The following SDK1 variants were observed in gnomAD, a reference collection of about 807,000 sequenced individuals.
SDK1 encodes the protein sidekick cell adhesion molecule 1, also known as protein sidekick-1.
A neutral mutation model predicts 245.5 loss-of-function variants in SDK1; 157 were observed. The ratio of observed to expected loss-of-function variants is 0.64; its 90% CI spans 0.56 to 0.73. The LOEUF (loss-of-function observed/expected upper bound fraction) is 0.73. Ranked by LOEUF, SDK1 falls within the 30% of genes least tolerant of loss-of-function variation. SDK1 has a pLI of 0.00. For missense variants in SDK1, 3,583 were observed against 3,002.3 expected, an observed-to-expected ratio of 1.19 and a Z score of -4.52; for synonymous variants, 1,647 against 1,278.5, an observed-to-expected ratio of 1.29 and a Z score of -6.15.
intron 1 of SDK1, among the ~76,000 whole-genome samples, chr7:3,534,173 A>G (rs145574103): frequency 6.6e-6 from 1 of 152,182 alleles, no homozygotes; most frequent in African/African-American, 2.4e-5. Context: ...TGACCAGGTT[A>G]TTTATCTCCC....
intron 4 of SDK1, among the ~76,000 whole-genome samples, chr7:3,765,182 TA>T (rs912858798): frequency 0.013 from 1,997 of 151,694 alleles, 53 homozygotes; most frequent in African/African-American, 0.046. Context: ...TGTGTGGCTT[TA>T]AAAAAAAATC....
chr7:3,888,248 A>C (rs540341420), intron 5 of SDK1, among the ~76,000 whole-genome samples: 110 of 152,328 alleles, frequency 7.2e-4, no homozygotes, highest in African/African-American at 2.5e-3. Flanking sequence ...CTGCGGAAAT[A>C]ATTCCTTGTT....
At chr7:4,012,853 A>C (rs1299687092) in intron 16 of SDK1, among the ~76,000 whole-genome samples, 1 of 152,020 alleles carries the variant, frequency 6.6e-6, no homozygotes, top group Non-Finnish European at 1.5e-5. Context: ...CTGGGATTAC[A>C]GGCGTGAGGC....
At chr7:3,823,445 A>G (rs981725976) in intron 5 of SDK1, among the ~76,000 whole-genome samples, 1 of 152,204 alleles carries the variant, frequency 6.6e-6, no homozygotes, top group African/African-American at 2.4e-5. Context: ...TCACAAAGTT[A>G]TAAAACAGTC....
chr7:3,404,405 T>G (rs1483811693), intron 1 of SDK1, among the ~76,000 whole-genome samples: 2 of 152,216 alleles, frequency 1.3e-5, no homozygotes, highest in East Asian at 1.9e-4. Flanking sequence ...TTTGTATGTT[T>G]TATTATTTTC....
intron 15 of SDK1, 150 bp downstream of exon 15, chr7:4,011,263 G>C: frequency 9.8e-7 from 1 of 1,021,570 alleles, no homozygotes; most frequent in Non-Finnish European, 1.4e-6. Flanking sequence ...AAAGCCTGTC[G>C]CAAAGAGGGA....
At chr7:3,788,063 T>C (rs978246920) in intron 4 of SDK1, among the ~76,000 whole-genome samples, 1 of 151,512 alleles carries the variant, frequency 6.6e-6, no homozygotes, top group Non-Finnish European at 1.5e-5. Flanking sequence ...CTCCGGGGAG[T>C]GGACAGTCTC....
chr7:3,522,843 G>A (rs544940782), intron 1 of SDK1, among the ~76,000 whole-genome samples: 71 of 152,142 alleles, frequency 4.7e-4, no homozygotes, highest in Non-Finnish European at 9.6e-4. Context: ...GGTGAGGTTC[G>A]CTATTCACAT....
chr7:3,862,264 G>C (rs1386615818), intron 5 of SDK1, among the ~76,000 whole-genome samples: 2 of 152,180 alleles, frequency 1.3e-5, no homozygotes, highest in South Asian at 2.1e-4. Context: ...CAGAATGTCT[G>C]GGGGAGGAAG....
chr7:3,394,610 G>A (rs192799804), intron 1 of SDK1, among the ~76,000 whole-genome samples: 2 of 148,644 alleles, frequency 1.3e-5, no homozygotes, highest in East Asian at 1.9e-4. Context: ...TCAATTTGGG[G>A]AGAATTGCCA....
Position 4,259,648 on chromosome 7 carries a change from A to G in SDK1, c.6382-5476A>G, listed in dbSNP as rs1037903937. Among the ~76,000 whole-genome samples the G allele has an allele frequency of 7.9e-5, 12 of 152,306 alleles. No individual in the cohort carries two copies. The East Asian group carries it at 1.4e-3, about 17-fold the overall frequency. Reference sequence around the variant, plus strand: ...CAGAATATGAGAATATTCACACTGAATAGCCCTACATCAGCTCACCTAGGG... The same window carrying G: ...CAGAATATGAGAATATTCACACTGAGTAGCCCTACATCAGCTCACCTAGGG... On this transcript the variant is annotated intron_variant, in intron 44 of 44. Transcript: ENST00000404826.
chr7:3,462,251 A>G (rs1780855829), intron 1 of SDK1, among the ~76,000 whole-genome samples: 1 of 152,094 alleles, frequency 6.6e-6, no homozygotes, highest in South Asian at 2.1e-4. Flanking sequence ...ATCGTTTTGA[A>G]ATACCTGTAA....
intron 4 of SDK1, among the ~76,000 whole-genome samples, chr7:3,661,010 A>G (rs1783337668): frequency 6.6e-6 from 1 of 152,204 alleles, no homozygotes. Flanking sequence ...TTTGGTATTT[A>G]GAAATTACTT....
At chr7:4,054,020 C>T (rs1388147427) in intron 19 of SDK1, among the ~76,000 whole-genome samples, 1 of 151,988 alleles carries the variant, frequency 6.6e-6, no homozygotes, top group African/African-American at 2.4e-5. Flanking sequence ...CTCACTGCAA[C>T]CTCTGCCTCC....
chr7:3,625,345 C>G (rs1431007023), intron 2 of SDK1, among the ~76,000 whole-genome samples: 23 of 152,160 alleles, frequency 1.5e-4, no homozygotes, highest in Admixed American at 1.5e-3. Context: ...TTTGCTTAAT[C>G]TTATAAGTTA....
intron 32 of SDK1, among the ~76,000 whole-genome samples, chr7:4,165,315 C>T (rs2128214137): frequency 6.6e-6 from 1 of 152,212 alleles, no homozygotes; most frequent in East Asian, 1.9e-4. Context: ...GCCAAGATGG[C>T]ACCATTGCAC....
chr7:4,010,815 T>C (rs1785884769), intron 14 of SDK1, 151 bp from the exon 15 acceptor site: 10 of 788,988 alleles, frequency 1.3e-5, no homozygotes, highest in Admixed American at 3.0e-5. Flanking sequence ...AGCCTCAGTT[T>C]CCACACCTGC....
rs1426993628 is a variant in SDK1 at position 4,265,020 on chromosome 7, C to T, written c.6382-104C>T. ...GTGGGGAGAGGGCTGGAGACCGCGACACACGCCCCTGGGGAGGTGCCCCCA... is the reference window on the plus strand; with the variant it reads ...GTGGGGAGAGGGCTGGAGACCGCGATACACGCCCCTGGGGAGGTGCCCCCA... On this transcript the variant is annotated intron_variant, in intron 44 of 44. Transcript: ENST00000404826. 11 of 1,496,764 alleles carry T rather than the reference C, an allele frequency of 7.3e-6. No individual in the cohort carries two copies. The Admixed American group carries it at 2.3e-4, about 31-fold the overall frequency. 92.7% of individuals were successfully genotyped at this position (1,496,764 alleles called of 1,614,324 possible).
intron 17 of SDK1, among the ~76,000 whole-genome samples, chr7:4,042,992 G>A (rs1788742181): frequency 6.6e-6 from 1 of 152,250 alleles, no homozygotes; most frequent in Admixed American, 6.5e-5. Context: ...CTAGGGTATT[G>A]AGAGAAAGGA....
Sources: gnomAD v4.1 joint callset for allele counts (sites outside exome capture counted in the v4.1 genomes callset) on GRCh38, gnomAD v4.1.1 for gene constraint, MANE v1.5 for transcripts, NCBI Gene and HGNC (gene_info 2026-07-23, HGNC 2026-07-21) for gene names.